The following MYO1E variants were observed in gnomAD, a reference collection of about 807,000 sequenced individuals.
MYO1E encodes the protein myosin IE, also known as unconventional myosin-Ie.
MYO1E carries 68 observed loss-of-function variants against 151.1 expected under a neutral mutation model. That is an observed-to-expected ratio of 0.45 (90% CI 0.37 to 0.55). The LOEUF (loss-of-function observed/expected upper bound fraction) is 0.55, where lower values mean the gene tolerates loss of function less well. MYO1E is among the 20% of genes least tolerant of loss of function. MYO1E has a pLI of 0.00. For synonymous variants in MYO1E, 601 were observed against 501.7 expected, an observed-to-expected ratio of 1.20 and a Z score of -2.64; for missense variants, 1,363 against 1,389.3, an observed-to-expected ratio of 0.98 and a Z score of 0.30.
At chr15:59,142,649 C>T (rs1408656772) in intron 26 of MYO1E, among the ~76,000 whole-genome samples, 6 of 152,106 alleles carry the variant, frequency 3.9e-5, no homozygotes, top group Non-Finnish European at 8.8e-5. Flanking sequence ...AGGACCAAAA[C>T]CCTTCATGGC....
chr15:59,280,708 T>C (rs1275427338), intron 1 of MYO1E, among the ~76,000 whole-genome samples: 1 of 151,538 alleles, frequency 6.6e-6, no homozygotes, highest in Non-Finnish European at 1.5e-5. Flanking sequence ...ATACTGTAAA[T>C]AAAATAATGA....
intron 1 of MYO1E, among the ~76,000 whole-genome samples, chr15:59,310,406 C>T (rs1311926981): frequency 1.3e-5 from 2 of 152,116 alleles, no homozygotes; most frequent in African/African-American, 4.8e-5. Context: ...GTCAGCAAAG[C>T]GGGCCTTAAT....
In MYO1E at chr15:59,155,709, C is replaced by T. The variant is rs563345955; in HGVS notation, c.2879-1918G>A. On this transcript the variant is annotated intron_variant, in intron 25 of 27. Transcript: ENST00000288235. The stretch of plus-strand genomic sequence containing the variant: ...TTAAGTTCCTTTGTGCTTGGATTTT[C>T]TTCAAAGAAGAAAGGAGGAGACAGA... Among the ~76,000 whole-genome samples, 4 of 152,246 alleles carry T rather than the reference C, an allele frequency of 2.6e-5. No individual in the cohort carries two copies. In the South Asian group the frequency reaches 8.3e-4, roughly 32 times the overall value.
intron 1 of MYO1E, among the ~76,000 whole-genome samples, chr15:59,361,752 G>A (rs115324067): frequency 1.1e-3 from 166 of 152,138 alleles, no homozygotes; most frequent in African/African-American, 3.7e-3. Flanking sequence ...TGACTCAGTC[G>A]TCTCCCTTTC....
chr15:59,152,609 G>A (rs1338300959), intron 26 of MYO1E, among the ~76,000 whole-genome samples: 1 of 152,166 alleles, frequency 6.6e-6, no homozygotes, highest in African/African-American at 2.4e-5. Context: ...GTGAGCAGAC[G>A]CCTGCATGCC....
rs1179318696 is a variant in MYO1E at position 59,172,133 on chromosome 15, A to C, written c.2335-91T>G. The C allele has an allele frequency of 2.1e-6, 3 of 1,450,566 alleles. No individual in the cohort carries two copies. In the African/African-American group the frequency reaches 4.2e-5, roughly 20 times the overall value. 89.9% of individuals were successfully genotyped at this position (1,450,566 alleles called of 1,614,324 possible). ...GTACTTTCGGAGGCCGAGGCGGGTG[A>C]ATCACCTGAGGTCAGGAGTTCGAGA... On this transcript the variant is annotated intron_variant, in intron 21 of 27. Coordinates refer to ENST00000288235, the MANE Select transcript of MYO1E (RefSeq NM_004998.4).
chr15:59,216,592 G>GTATCTATCTATCTA (rs55698726), intron 10 of MYO1E, among the ~76,000 whole-genome samples: 5,892 of 102,808 alleles, frequency 0.057, 321 homozygotes, highest in African/African-American at 0.12. Flanking sequence ...GTGTGTGTGT[G>GTATCTATCTATCTA]TGTATCTATC....
Position 59,160,336 on chromosome 15 carries a change from CGTGTGTGTGTGTGTGTGTGTGTGT to C in MYO1E, c.2785+713_2785+736del, listed in dbSNP as rs55633634. Among the ~76,000 whole-genome samples the C allele has an allele frequency of 1.5e-4, 18 of 120,156 alleles. 2 individuals carry two copies. The South Asian group carries it at 4.1e-3, about 27-fold the overall frequency. 78.8% of individuals were successfully genotyped at this position (120,156 alleles called of 152,430 possible). ...AGTTAGACTGGGGTTTGAGGTAGTG[CGTGTGTGTGTGTGTGTGTGTGTGT>C]GTGTGTGTGTGTGTGTGTGTATGGT... On this transcript the variant is annotated intron_variant, in intron 24 of 27. Transcript: ENST00000288235.
At position 59,137,328 on chromosome 15, in the gene MYO1E, C is replaced by T. The variant is rs1229865038; in HGVS notation, c.*52G>A. The T allele has an allele frequency of 3.3e-6, 5 of 1,515,126 alleles. No individual in the cohort carries two copies. The highest frequency in any genetic ancestry group is 4.6e-6 in the Non-Finnish European group (5 of 1,090,316). 93.9% of individuals were successfully genotyped at this position (1,515,126 alleles called of 1,614,324 possible). A position where few individuals can be genotyped will look rare whatever the true frequency, so the allele number is the denominator to read the frequency against. Reference sequence around the variant, plus strand: ...AGGGGAGCCCCTAAATATCCCCTCCCCTGGTCTGTGCCTGGAGCTCCTCTG... The same window carrying T: ...AGGGGAGCCCCTAAATATCCCCTCCTCTGGTCTGTGCCTGGAGCTCCTCTG... On this transcript the variant is annotated 3_prime_UTR_variant, in exon 28 of 28. Transcript: ENST00000288235.
chr15:59,208,809 C>T lies in MYO1E; in HGVS notation c.1402G>A (p.Ala468Thr), dbSNP rs748042869. 25 of 1,614,076 alleles carry T rather than the reference C, an allele frequency of 1.5e-5. No individual in the cohort carries two copies. Among genetic ancestry groups the T allele is most frequent in the Middle Eastern group, 3.3e-4 (2 of 6,084 alleles). Residue 468 changes from alanine to threonine, a missense_variant, in exon 14 of 28, where the codon GCC becomes ACC. By Grantham distance (58) the Ala-to-Thr change is moderately conservative. Transcript: ENST00000288235. ...CCCTCACCCACCGCATGCATCGTGG[C>T]GCACACGTCATCCAGGATGCTCATG... ...GIMSILDDVC[A>T]TMHAVGEGAD...
intron 17 of MYO1E, among the ~76,000 whole-genome samples, chr15:59,194,974 G>A (rs1010750301): frequency 5.9e-5 from 9 of 152,258 alleles, no homozygotes; most frequent in Middle Eastern, 6.8e-3. Flanking sequence ...GTGCTTAGGG[G>A]GAATGCCAGA....
intron 22 of MYO1E, among the ~76,000 whole-genome samples, chr15:59,170,359 T>C (rs1679886220): frequency 6.6e-6 from 1 of 152,232 alleles, no homozygotes; most frequent in Non-Finnish European, 1.5e-5. Flanking sequence ...TTTCACCTGC[T>C]GTGCCTGCCA....
chr15:59,292,409 C>T (rs1374129124), intron 1 of MYO1E, among the ~76,000 whole-genome samples: 5 of 152,338 alleles, frequency 3.3e-5, no homozygotes, highest in South Asian at 4.1e-4. Flanking sequence ...AAATGTACTA[C>T]GACTGGCAGG....
intron 1 of MYO1E, among the ~76,000 whole-genome samples, chr15:59,332,453 G>T (rs1567017221): frequency 6.6e-6 from 1 of 152,134 alleles, no homozygotes; most frequent in Non-Finnish European, 1.5e-5. Flanking sequence ...TGCTGATCTA[G>T]GATTTCCATT....
intron 1 of MYO1E, among the ~76,000 whole-genome samples, chr15:59,315,981 AC>A (rs2080586407): frequency 6.6e-6 from 1 of 152,276 alleles, no homozygotes; most frequent in East Asian, 1.9e-4. Flanking sequence ...ACTGAGGAAT[AC>A]TTTTGCACTG....
intron 4 of MYO1E, among the ~76,000 whole-genome samples, chr15:59,243,914 T>G (rs957477607): frequency 1.3e-4 from 20 of 151,792 alleles, no homozygotes; most frequent in African/African-American, 4.8e-4. Context: ...GCAGCCCTAC[T>G]AGATCTGGAA....
At chr15:59,237,050 A>G (rs531808972) in intron 4 of MYO1E, among the ~76,000 whole-genome samples, 1 of 152,368 alleles carries the variant, frequency 6.6e-6, no homozygotes, top group East Asian at 1.9e-4. Flanking sequence ...AAATGAAATC[A>G]TGTTAAGTGA....
At chr15:59,337,025 TTA>T (rs1491308483) in intron 1 of MYO1E, among the ~76,000 whole-genome samples, 3 of 110,216 alleles carry the variant, frequency 2.7e-5, no homozygotes, top group East Asian at 5.1e-4. Flanking sequence ...ACTCCTAGTT[TTA>T]AAAAAAAAAA....
At chr15:59,345,059 C>CAAGA (rs2080786337) in intron 1 of MYO1E, among the ~76,000 whole-genome samples, 1 of 151,980 alleles carries the variant, frequency 6.6e-6, no homozygotes, top group African/African-American at 2.4e-5. Flanking sequence ...GAAAAAACAT[C>CAAGA]AAGAAAGAAA....
Sources: allele counts gnomAD v4.1 joint callset (sites outside exome capture counted in the v4.1 genomes callset), GRCh38; gene constraint gnomAD v4.1.1; transcripts MANE v1.5; gene names NCBI Gene and HGNC (gene_info 2026-07-23, HGNC 2026-07-21).